CDK19: variants seen among roughly 807,000 people sequenced by gnomAD.
CDK19 encodes cyclin-dependent kinase 19.
In CDK19, 20 loss-of-function variants were observed where a neutral mutation model predicts 68.3. The observed-to-expected ratio is 0.29, with a 90% CI of 0.21 to 0.43. The LOEUF (loss-of-function observed/expected upper bound fraction) is 0.43. Ranked by LOEUF, CDK19 falls within the 20% of genes least tolerant of loss-of-function variation. The pLI is 1.00. For missense variants in CDK19, 339 were observed against 623.5 expected, an observed-to-expected ratio of 0.54 and a Z score of 4.86; for synonymous variants, 221 against 222.8, an observed-to-expected ratio of 0.99 and a Z score of 0.07.
intron 7 of CDK19, 47 bp from the exon 8 acceptor site, chr6:110,626,892 A>C (rs1223064786): frequency 1.4e-6 from 2 of 1,388,462 alleles, no homozygotes; most frequent in African/African-American, 1.5e-5. Flanking sequence ...GTGTTAATTT[A>C]AAATCTCCTA....
intron 1 of CDK19, among the ~76,000 whole-genome samples, chr6:110,771,997 T>C (rs1780046204): frequency 6.6e-6 from 1 of 152,214 alleles, no homozygotes; most frequent in Admixed American, 6.5e-5. Context: ...AACAAGTCTC[T>C]AGGAAGTTCC....
chr6:110,614,565 G>A lies in CDK19; in HGVS notation c.1479C>T (p.Tyr493=). Residue 493 remains tyrosine, a synonymous_variant, in exon 13 of 13, where the codon TAC becomes TAT. Coordinates refer to ENST00000368911, the MANE Select transcript of CDK19 (RefSeq NM_015076.5). The stretch of plus-strand genomic sequence containing the variant: ...ACCGGTGGGCCTGGTGAGATGGGTG[G>A]TACTGTGAGCTCTGCTGAGACGAGG... ...YSSSSQQSSQ[Y]HPSHQAHRY 6.2e-7 allele frequency: 1 copy of A among 1,614,032 alleles called. No individual in the cohort carries two copies. Among genetic ancestry groups the A allele is most frequent in the Non-Finnish European group, 8.5e-7 (1 of 1,179,946 alleles).
rs1461785182 is a variant in CDK19 at position 110,611,988 on chromosome 6, A to C, written c.*2547T>G. 6.6e-6 allele frequency: 1 copy of C among 152,222 alleles called. No homozygotes were observed. The highest frequency in any genetic ancestry group is 6.5e-5 in the Admixed American group (1 of 15,282). The allele number at this position is 152,222 out of a possible 1,614,324, so 9.4% of individuals were successfully genotyped here. A position where few individuals can be genotyped will look rare whatever the true frequency, so the allele number is the denominator to read the frequency against. On this transcript the variant is annotated 3_prime_UTR_variant, in exon 13 of 13. Transcript: ENST00000368911. The stretch of plus-strand genomic sequence containing the variant: ...GTCCTGGAGGATATTGTATACTGGG[A>C]GCAACTGACGAAATCCCCTTACAGT...
At chr6:110,708,608 A>C (rs1562219098) in intron 2 of CDK19, among the ~76,000 whole-genome samples, 3 of 152,184 alleles carry the variant, frequency 2.0e-5, no homozygotes, top group Non-Finnish European at 4.4e-5. Flanking sequence ...GCTGGCTAAC[A>C]ATGGGCAGGC....
intron 2 of CDK19, among the ~76,000 whole-genome samples, chr6:110,740,345 G>A (rs1413650122): frequency 1.3e-5 from 2 of 152,096 alleles, no homozygotes; most frequent in Non-Finnish European, 2.9e-5. Flanking sequence ...GTAATCCCAG[G>A]CTAAAAATGC....
At chr6:110,761,361 G>A (rs1779218626) in intron 1 of CDK19, among the ~76,000 whole-genome samples, 1 of 152,184 alleles carries the variant, frequency 6.6e-6, no homozygotes. Context: ...TAGGATAGTA[G>A]CAGAGGCAAT....
intron 2 of CDK19, among the ~76,000 whole-genome samples, chr6:110,734,531 C>CTCTCTCTCTCTCTT (rs1777067125): frequency 6.9e-6 from 1 of 145,338 alleles, no homozygotes; most frequent in Non-Finnish European, 1.5e-5. Context: ...CTCTCTCTCT[C>CTCTCTCTCTCTCTT]TCTCTCTCTC....
intron 2 of CDK19, among the ~76,000 whole-genome samples, chr6:110,702,065 C>T (rs1774055145): frequency 2.0e-5 from 3 of 152,030 alleles, no homozygotes; most frequent in Admixed American, 1.3e-4. Flanking sequence ...CACTTGAACC[C>T]GGCAGGTGGA....
intron 5 of CDK19, among the ~76,000 whole-genome samples, chr6:110,635,585 G>C (rs1012407892): frequency 2.4e-4 from 37 of 152,170 alleles, no homozygotes; most frequent in Non-Finnish European, 4.9e-4. Context: ...TGTCGCCCAG[G>C]CTGGAGTGCA....
chr6:110,690,119 T>A (rs1357893227), intron 2 of CDK19, among the ~76,000 whole-genome samples: 1 of 148,306 alleles, frequency 6.7e-6, no homozygotes, highest in Non-Finnish European at 1.5e-5. Flanking sequence ...TCCCCCTCGT[T>A]CAACACTGCA....
intron 6 of CDK19, among the ~76,000 whole-genome samples, chr6:110,628,002 G>C (rs1779197568): frequency 6.6e-6 from 1 of 152,090 alleles, no homozygotes; most frequent in Admixed American, 6.5e-5. Flanking sequence ...TTGAGGTCAG[G>C]AGTTCGAGAC....
chr6:110,616,845 T>A (rs1465888567), intron 12 of CDK19, among the ~76,000 whole-genome samples: 1 of 152,188 alleles, frequency 6.6e-6, no homozygotes, highest in Non-Finnish European at 1.5e-5. Context: ...AATTTTGCCA[T>A]AAAGTATAAT....
At chr6:110,765,254 C>CA (rs1779495150) in intron 1 of CDK19, among the ~76,000 whole-genome samples, 1 of 151,808 alleles carries the variant, frequency 6.6e-6, no homozygotes, top group Non-Finnish European at 1.5e-5. Flanking sequence ...CACGTCTCTA[C>CA]AAAAAATTAA....
intron 1 of CDK19, among the ~76,000 whole-genome samples, chr6:110,792,253 G>A (rs1781649101): frequency 1.3e-5 from 2 of 152,140 alleles, no homozygotes; most frequent in Non-Finnish European, 2.9e-5. Context: ...ACAGGCGTGA[G>A]CCACCGCGCC....
intron 2 of CDK19, among the ~76,000 whole-genome samples, chr6:110,688,881 C>T (rs904297007): frequency 6.6e-6 from 1 of 152,194 alleles, no homozygotes; most frequent in African/African-American, 2.4e-5. Context: ...TGGGGACAAA[C>T]CCCCTTGGCC....
At chr6:110,674,777 C>G (rs1290794655) in intron 2 of CDK19, among the ~76,000 whole-genome samples, 1 of 151,966 alleles carries the variant, frequency 6.6e-6, no homozygotes, top group Non-Finnish European at 1.5e-5. Flanking sequence ...TGGCAGGTAC[C>G]TGTAATGCTA....
chr6:110,637,938 G>A (rs992893732), intron 5 of CDK19, among the ~76,000 whole-genome samples: 23 of 152,276 alleles, frequency 1.5e-4, no homozygotes, highest in South Asian at 6.2e-4. Flanking sequence ...AGCCAAGATC[G>A]CGCCATTGCA....
intron 2 of CDK19, among the ~76,000 whole-genome samples, chr6:110,683,900 TG>T (rs1415994296): frequency 6.6e-6 from 1 of 150,814 alleles, no homozygotes; most frequent in Non-Finnish European, 1.5e-5. Context: ...TTAGTGGAGA[TG>T]GGGTTTCACC....
intron 2 of CDK19, among the ~76,000 whole-genome samples, chr6:110,715,192 C>G (rs1220351808): frequency 2.6e-5 from 4 of 152,144 alleles, no homozygotes; most frequent in Non-Finnish European, 5.9e-5. Flanking sequence ...TTTCCTCACC[C>G]TCCTCTGAAT....
Sources: allele counts gnomAD v4.1 joint callset (sites outside exome capture counted in the v4.1 genomes callset), GRCh38; gene constraint gnomAD v4.1.1; transcripts MANE v1.5; gene names NCBI Gene and HGNC (gene_info 2026-07-23, HGNC 2026-07-21).